Variants in C11orf65 observed in about 807,000 individuals in gnomAD.
C11orf65 encodes chromosome 11 open reading frame 65.
Under a neutral mutation model 35.3 loss-of-function variants are expected in C11orf65, and 38 were observed. The ratio of observed to expected loss-of-function variants is 1.08; its 90% CI spans 0.83 to 1.41. The LOEUF is 1.41. C11orf65 is among the 40% of genes most tolerant of loss of function. The probability of loss-of-function intolerance (pLI) is 0.00; values close to 1 mark genes in which losing one functional copy is unlikely to be tolerated. For synonymous variants in C11orf65, 105 were observed against 114.4 expected, an observed-to-expected ratio of 0.92 and a Z score of 0.53; for missense variants, 370 against 367.1, an observed-to-expected ratio of 1.01 and a Z score of -0.06.
At chr11:108,383,842 CTT>C (rs2091921818) in intron 8 of C11orf65, among the ~76,000 whole-genome samples, 1 of 150,074 alleles carries the variant, frequency 6.7e-6, no homozygotes, top group Non-Finnish European at 1.5e-5. Context: ...ACAGTAATCT[CTT>C]TTAACTCAGT....
rs1354546489 is a variant in C11orf65, at chr11:108,406,811, G to A, written c.381C>T (p.Gly127=). The A allele has an allele frequency of 6.2e-7, 1 of 1,612,672 alleles. No individual in the cohort carries two copies. The highest frequency in any genetic ancestry group is 8.5e-7 in the Non-Finnish European group (1 of 1,179,292). ...NDHLQEEDHS[G]WYHRIENNGW... is the part of the protein sequence containing the mutation. ...CATTGTTTTCTATACGATGATACCAGCCACTATGATCCTCTTCCTGAAGAT... is the reference window on the plus strand; with the variant it reads ...CATTGTTTTCTATACGATGATACCAACCACTATGATCCTCTTCCTGAAGAT... The change falls in exon 5 of 9, where the codon GGC becomes GGT. Residue 127 remains glycine, a synonymous_variant. Coordinates refer to ENST00000393084, the MANE Select transcript of C11orf65 (RefSeq NM_152587.5).
At chr11:108,332,119 A>G in intron 3 of C11orf65, 1 of 1,540,984 alleles carries the variant, frequency 6.5e-7, no homozygotes. Flanking sequence ...ATCTTGTGTT[A>G]TTAAGATGCC....
At chr11:108,432,807 T>C (rs1205674088) in intron 2 of C11orf65, among the ~76,000 whole-genome samples, 1 of 152,178 alleles carries the variant, frequency 6.6e-6, no homozygotes, top group African/African-American at 2.4e-5. Flanking sequence ...CCAAATTGAG[T>C]ATCAAGAAAT....
intron 6 of C11orf65, chr11:108,315,890 A>C: frequency 6.2e-7 from 1 of 1,612,358 alleles, no homozygotes; most frequent in Non-Finnish European, 8.5e-7. Context: ...GGTGGAGGGA[A>C]GATGTTACAA....
intron 2 of C11orf65, among the ~76,000 whole-genome samples, chr11:108,338,474 G>T (rs2087104826): frequency 6.6e-6 from 1 of 152,122 alleles, no homozygotes; most frequent in Non-Finnish European, 1.5e-5. Context: ...GGGCAACACA[G>T]CAAGACCTCA....
chr11:108,454,847 T>C (rs1285854463), intron 2 of C11orf65, among the ~76,000 whole-genome samples: 1 of 152,206 alleles, frequency 6.6e-6, no homozygotes, highest in African/African-American at 2.4e-5. Context: ...GTTGATCTTT[T>C]CTATTGTTTT....
chr11:108,357,041 A>T (rs1052125546), intron 2 of C11orf65, among the ~76,000 whole-genome samples: 1 of 152,360 alleles, frequency 6.6e-6, no homozygotes, highest in Middle Eastern at 3.4e-3. Flanking sequence ...TACCAGGTTC[A>T]TCTCACTAGG....
At chr11:108,436,356 T>G (rs2093060388) in intron 2 of C11orf65, among the ~76,000 whole-genome samples, 1 of 152,028 alleles carries the variant, frequency 6.6e-6, no homozygotes. Flanking sequence ...CATTAGGAAA[T>G]TAATACAAGT....
chr11:108,407,485 A>AT (rs375638984), intron 3 of C11orf65, among the ~76,000 whole-genome samples: 71,632 of 137,022 alleles, frequency 0.52, 19,163 homozygotes, highest in Middle Eastern at 0.73. Context: ...CTAATTTTGT[A>AT]TTTTTTTTTT....
intron 6 of C11orf65, chr11:108,320,151 G>T (rs1379350163): frequency 1.0e-6 from 1 of 970,952 alleles, no homozygotes; most frequent in African/African-American, 1.6e-5. Flanking sequence ...GTAAGGATTT[G>T]CATTGATGAA....
chr11:108,425,564 A>G (rs539864702), intron 3 of C11orf65, among the ~76,000 whole-genome samples: 2 of 152,334 alleles, frequency 1.3e-5, no homozygotes, highest in East Asian at 3.9e-4. Flanking sequence ...ATTCTACCAG[A>G]GATACAAAGA....
At chr11:108,390,370 C>T (rs2092128575) in intron 7 of C11orf65, among the ~76,000 whole-genome samples, 1 of 152,222 alleles carries the variant, frequency 6.6e-6, no homozygotes, top group African/African-American at 2.4e-5. Context: ...CACCTACTAT[C>T]ACTTAGCGGA....
intron 6 of C11orf65, among the ~76,000 whole-genome samples, chr11:108,319,354 C>T (rs932287162): frequency 1.3e-5 from 2 of 152,072 alleles, no homozygotes; most frequent in Admixed American, 1.3e-4. Context: ...CTACACAGAC[C>T]TCTCTGTGTT....
intron 1 of C11orf65, among the ~76,000 whole-genome samples, chr11:108,465,493 A>G (rs990227991): frequency 6.6e-6 from 1 of 152,200 alleles, no homozygotes; most frequent in African/African-American, 2.4e-5. Context: ...GAGGAAAAAA[A>G]GGGAGATTTG....
chr11:108,316,977 A>T (rs1174372834), intron 6 of C11orf65, among the ~76,000 whole-genome samples: 1 of 151,544 alleles, frequency 6.6e-6, no homozygotes, highest in Non-Finnish European at 1.5e-5. Flanking sequence ...CCTGTTACTG[A>T]TGCTGGAGTG....
At chr11:108,386,067 G>C (rs2091992082) in intron 7 of C11orf65, 92 bp from the exon 8 acceptor site, 3 of 1,045,626 alleles carry the variant, frequency 2.9e-6, no homozygotes, top group South Asian at 2.8e-5. Context: ...AGAAATCTTA[G>C]ATTAATGATG....
intron 2 of C11orf65, among the ~76,000 whole-genome samples, chr11:108,459,213 T>C (rs1036232348): frequency 2.0e-5 from 3 of 152,220 alleles, no homozygotes; most frequent in African/African-American, 7.2e-5. Context: ...TAGAACTAGC[T>C]TTCTCAGATA....
At chr11:108,334,959 C>A in intron 3 of C11orf65, 1 of 1,610,398 alleles carries the variant, frequency 6.2e-7, no homozygotes, top group Non-Finnish European at 8.5e-7. Flanking sequence ...CATGTTTATA[C>A]TTTTATTAGG....
downstream of C11orf65, among the ~76,000 whole-genome samples, chr11:108,327,080 G>A (rs1386934269): frequency 6.6e-6 from 1 of 152,098 alleles, no homozygotes; most frequent in African/African-American, 2.4e-5. Context: ...TACCCGCCTT[G>A]TCCTCTGAAA....
Sources: allele counts gnomAD v4.1 joint callset (sites outside exome capture counted in the v4.1 genomes callset), GRCh38; gene constraint gnomAD v4.1.1; transcripts MANE v1.5; gene names NCBI Gene and HGNC (gene_info 2026-07-23, HGNC 2026-07-21).